The following MACROD2 variants were observed in gnomAD, a reference collection of about 807,000 sequenced individuals.
The protein encoded by MACROD2 is ADP-ribose glycohydrolase MACROD2.
Under a neutral mutation model 70.4 loss-of-function variants are expected in MACROD2, and 36 were observed. That is an observed-to-expected ratio of 0.51 (90% CI 0.39 to 0.68). The LOEUF (loss-of-function observed/expected upper bound fraction) is 0.68, where lower values mean the gene tolerates loss of function less well. Ranked by LOEUF, MACROD2 falls within the 30% of genes least tolerant of loss-of-function variation. The pLI is 0.00. For missense variants in MACROD2, 496 were observed against 538.4 expected (o/e 0.92, Z 0.78); for synonymous variants, 172 against 178.8 (o/e 0.96, Z 0.30).
intron 8 of MACROD2, among the ~76,000 whole-genome samples, chr20:15,804,511 G>A (rs2063752287): frequency 6.6e-6 from 1 of 152,192 alleles, no homozygotes; most frequent in Admixed American, 6.5e-5. Flanking sequence ...TCTATGAAAT[G>A]TGAAGTGCTT....
chr20:15,630,692 T>C (rs2049275657), intron 8 of MACROD2, among the ~76,000 whole-genome samples: 1 of 152,248 alleles, frequency 6.6e-6, no homozygotes, highest in African/African-American at 2.4e-5. Context: ...ACAGCAAATG[T>C]AGATGCATGC....
intron 8 of MACROD2, among the ~76,000 whole-genome samples, chr20:15,758,436 C>T (rs2051381942): frequency 6.6e-6 from 1 of 151,352 alleles, no homozygotes; most frequent in Admixed American, 6.6e-5. Context: ...CACGGGGTTT[C>T]ACCATGTTGG....
chr20:15,788,387 T>G (rs551220794), intron 8 of MACROD2, among the ~76,000 whole-genome samples: 1 of 152,324 alleles, frequency 6.6e-6, no homozygotes, highest in South Asian at 2.1e-4. Context: ...TAAGAGGGGC[T>G]CAGGAGGCTG....
intron 3 of MACROD2, among the ~76,000 whole-genome samples, chr20:14,489,862 T>C (rs1367806365): frequency 8.2e-5 from 4 of 48,928 alleles, no homozygotes; most frequent in South Asian, 7.6e-4. Context: ...AAATACTTCT[T>C]TTTTTTTTTT....
At chr20:15,549,948 G>T (rs1421410317) in intron 8 of MACROD2, among the ~76,000 whole-genome samples, 1 of 151,844 alleles carries the variant, frequency 6.6e-6, no homozygotes, top group Non-Finnish European at 1.5e-5. Flanking sequence ...CTAAGAAAAA[G>T]GACATTTTCT....
chr20:15,856,544 A>C (rs917755220), intron 8 of MACROD2, among the ~76,000 whole-genome samples: 1 of 152,204 alleles, frequency 6.6e-6, no homozygotes, highest in African/African-American at 2.4e-5. Flanking sequence ...CTTGAAAACT[A>C]TCTGCCACAT....
intron 3 of MACROD2, among the ~76,000 whole-genome samples, chr20:14,477,924 G>T (rs146546179): frequency 6.6e-6 from 1 of 152,192 alleles, no homozygotes; most frequent in East Asian, 1.9e-4. Context: ...AGCTTCCAGT[G>T]GTCAAAGACT....
Position 15,224,241 on chromosome 20 carries a change from A to G in MACROD2, c.419-5699A>G, listed in dbSNP as rs2076885884. 2.6e-5 allele frequency among the ~76,000 whole-genome samples: 4 copies of G among 152,332 alleles called. No homozygotes were observed. In the South Asian group the frequency reaches 8.3e-4, roughly 32 times the overall value. ...ATGGTGGTTGCTGTGTTAAACCACC[A>G]CGTTTTGTGGTAATTTGTTGCATAT... On this transcript the variant is annotated intron_variant, in intron 5 of 17. Transcript: ENST00000684519.
chr20:15,421,865 G>A (rs2046233088), intron 6 of MACROD2, among the ~76,000 whole-genome samples: 1 of 152,216 alleles, frequency 6.6e-6, no homozygotes, highest in African/African-American at 2.4e-5. Flanking sequence ...GAGTTGTAAA[G>A]AGATACAAAG....
chr20:15,209,480 CA>C (rs1442845155), intron 5 of MACROD2, among the ~76,000 whole-genome samples: 4 of 152,230 alleles, frequency 2.6e-5, no homozygotes, highest in Non-Finnish European at 5.9e-5. Context: ...AGGCTTAGAA[CA>C]GTGCTTGCCA....
intron 5 of MACROD2, among the ~76,000 whole-genome samples, chr20:14,805,964 T>C (rs2072633993): frequency 6.6e-6 from 1 of 152,016 alleles, no homozygotes; most frequent in Non-Finnish European, 1.5e-5. Context: ...CTTCTGTTCC[T>C]TTGTGTCTAA....
At chr20:15,316,246 G>A (rs2146160342) in intron 6 of MACROD2, among the ~76,000 whole-genome samples, 1 of 152,124 alleles carries the variant, frequency 6.6e-6, no homozygotes, top group Middle Eastern at 3.4e-3. Context: ...AATGCTCATG[G>A]ATAAAATTTT....
At chr20:15,725,812 TAATATG>T (rs1394858951) in intron 8 of MACROD2, among the ~76,000 whole-genome samples, 2 of 151,960 alleles carry the variant, frequency 1.3e-5, no homozygotes, top group Non-Finnish European at 2.9e-5. Context: ...GCAAAGTCTA[TAATATG>T]AATACTGAAA....
intron 2 of MACROD2, among the ~76,000 whole-genome samples, chr20:14,059,941 T>A (rs2148654898): frequency 6.6e-6 from 1 of 152,256 alleles, no homozygotes; most frequent in East Asian, 1.9e-4. Context: ...CCCAGACATG[T>A]GTAAATCTAG....
intron 3 of MACROD2, among the ~76,000 whole-genome samples, chr20:14,196,457 T>C (rs2081433634): frequency 6.6e-6 from 1 of 152,222 alleles, no homozygotes. Context: ...TTTGTTATAA[T>C]GAAGTAGAAT....
At chr20:15,716,579 A>T (rs182792188) in intron 8 of MACROD2, among the ~76,000 whole-genome samples, 9 of 152,176 alleles carry the variant, frequency 5.9e-5, no homozygotes, top group African/African-American at 2.2e-4. Context: ...CAAGCTTTAT[A>T]CTTTACCCCC....
At position 15,801,209 on chromosome 20, in the gene MACROD2, A is replaced by G. The variant is rs200384640; in HGVS notation, c.646-61536A>G. Among the ~76,000 whole-genome samples, 12 of 150,364 alleles carry G rather than the reference A, an allele frequency of 8.0e-5. No individual in the cohort carries two copies. The East Asian group carries it at 2.3e-3, about 29-fold the overall frequency. The stretch of plus-strand genomic sequence containing the variant: ...ATTAAAAAAAAAAAAAAAAAACGAA[A>G]AACAAAACAAACAAACAAAAACTGG... On this transcript the variant is annotated intron_variant, in intron 8 of 17. Transcript: ENST00000684519.
intron 2 of MACROD2, among the ~76,000 whole-genome samples, chr20:14,012,386 C>T (rs1187774167): frequency 6.6e-6 from 1 of 152,172 alleles, no homozygotes; most frequent in Non-Finnish European, 1.5e-5. Context: ...CAATCCTGCA[C>T]TCACATAAAA....
chr20:14,417,091 A>C (rs1004191694), intron 3 of MACROD2, among the ~76,000 whole-genome samples: 1 of 132,480 alleles, frequency 7.5e-6, no homozygotes, highest in Non-Finnish European at 1.7e-5. Flanking sequence ...CTATCTATCT[A>C]TCTATCTATC....
Sources: gnomAD v4.1 joint callset for allele counts (sites outside exome capture counted in the v4.1 genomes callset) on GRCh38, gnomAD v4.1.1 for gene constraint, MANE v1.5 for transcripts, NCBI Gene and HGNC (gene_info 2026-07-23, HGNC 2026-07-21) for gene names.